The following SCARB2 variants were observed in gnomAD, a reference collection of about 807,000 sequenced individuals.
The protein encoded by SCARB2 is lysosome membrane protein 2.
Under a neutral mutation model 58.6 loss-of-function variants are expected in SCARB2, and 29 were observed. The ratio of observed to expected loss-of-function variants is 0.49; its 90% CI spans 0.37 to 0.67. The LOEUF is 0.67. Among genes scored for constraint, SCARB2 ranks in the 30% least tolerant of loss-of-function variants. The pLI is 0.00. For missense variants in SCARB2, 488 were observed against 578.5 expected (o/e 0.84, Z 1.60); for synonymous variants, 195 against 210.1 (o/e 0.93, Z 0.62).
chr4:76,203,351 C>T (rs1023848143), intron 1 of SCARB2, among the ~76,000 whole-genome samples: 15 of 152,198 alleles, frequency 9.9e-5, no homozygotes, highest in Non-Finnish European at 2.1e-4. Context: ...TTTTCATGAA[C>T]TCATCAGCCT....
In SCARB2 at chr4:76,166,306, A is replaced by G. The variant is rs775387526; in HGVS notation, c.1188-5T>C. The stretch of plus-strand genomic sequence containing the variant: ...GTTCTAATGTCTCCCGTTTCACTAC[A>G]AAGACAAAGGATGAGATTGTTTCAG... On this transcript the variant is annotated splice_polypyrimidine_tract_variant and splice_region_variant and intron_variant, in intron 9 of 11. Transcript: ENST00000264896. The G allele has an allele frequency of 1.2e-6, 2 of 1,614,062 alleles. No individual in the cohort carries two copies. The highest frequency in any genetic ancestry group is 1.7e-6 in the Non-Finnish European group (2 of 1,179,926).
intron 2 of SCARB2, among the ~76,000 whole-genome samples, chr4:76,188,704 T>C (rs17001601): frequency 0.027 from 4,155 of 152,212 alleles, 146 homozygotes; most frequent in African/African-American, 0.086. Flanking sequence ...GCCTAAACAA[T>C]AGCATCATAA....
upstream of SCARB2, among the ~76,000 whole-genome samples, chr4:76,218,264 C>A (rs1733248682): frequency 6.6e-6 from 1 of 152,162 alleles, no homozygotes; most frequent in South Asian, 2.1e-4. Flanking sequence ...ATATGTTATT[C>A]CTAAATGTTT....
intron 3 of SCARB2, chr4:76,179,939 TG>T (rs1458231923): frequency 3.6e-6 from 2 of 563,112 alleles, no homozygotes; most frequent in African/African-American, 3.8e-5. Flanking sequence ...AGAGACCATT[TG>T]CAGGCTCTGA....
chr4:76,163,194 T>TAA, intron 11 of SCARB2, 31 bp downstream of exon 11: 1 of 1,613,630 alleles, frequency 6.2e-7, no homozygotes, highest in Non-Finnish European at 8.5e-7. Context: ...AGTTATCCAG[T>TAA]AAGGAAGAAG....
At chr4:76,217,457 C>G, upstream of SCARB2, 3 of 405,244 alleles carry the variant, frequency 7.4e-6, no homozygotes, top group Non-Finnish European at 1.3e-5. Context: ...ATGCCTCCCT[C>G]AGGCATGAGT....
At position 76,213,353 on chromosome 4, in the gene SCARB2, A is replaced by T. The variant is rs145736175; in HGVS notation, c.117+74T>A. 8.8e-3 allele frequency: 8,939 copies of T among 1,020,798 alleles called. 56 individuals carry two copies. Among genetic ancestry groups the T allele is most frequent in the Non-Finnish European group, 0.01 (6,803 of 651,648 alleles). The allele number at this position is 1,020,798 out of a possible 1,614,324, so 63.2% of individuals were successfully genotyped here. On this transcript the variant is annotated intron_variant, in intron 1 of 11. Coordinates refer to ENST00000264896, the MANE Select transcript of SCARB2 (RefSeq NM_005506.4). ...CTGCCTGAGTGCTGGTCTTTCCCAT[A>T]CAAGATGTAGCAGCAGGGATGGGAG...
intron 2 of SCARB2, among the ~76,000 whole-genome samples, chr4:76,189,876 C>A (rs114698429): frequency 0.023 from 3,502 of 152,200 alleles, 121 homozygotes; most frequent in African/African-American, 0.08. Flanking sequence ...GATTAAATTA[C>A]CCCCCTGGGT....
intron 2 of SCARB2, among the ~76,000 whole-genome samples, chr4:76,190,775 C>T (rs917583828): frequency 2.0e-5 from 3 of 151,916 alleles, no homozygotes; most frequent in African/African-American, 7.3e-5. Flanking sequence ...CAGAATGAGA[C>T]TCTGTCTCAA....
chr4:76,197,868 T>C (rs1363411700), intron 1 of SCARB2, among the ~76,000 whole-genome samples: 4 of 151,650 alleles, frequency 2.6e-5, no homozygotes, highest in Admixed American at 6.6e-5. Context: ...ATTACTTCTG[T>C]AAGCAGAAAA....
chr4:76,218,953 C>T (rs1398214002), intron 1 of SCARB2, among the ~76,000 whole-genome samples: 1 of 152,104 alleles, frequency 6.6e-6, no homozygotes, highest in Non-Finnish European at 1.5e-5. Flanking sequence ...ATGATGTAGA[C>T]ATTCTATTTT....
upstream of SCARB2, among the ~76,000 whole-genome samples, chr4:76,217,266 T>C (rs777974630): frequency 1.3e-5 from 2 of 152,178 alleles, no homozygotes; most frequent in Non-Finnish European, 2.9e-5. Flanking sequence ...TCCCAGAGTT[T>C]AGATGAGGAG....
chr4:76,219,069 C>T (rs1479683949), intron 1 of SCARB2, among the ~76,000 whole-genome samples: 1 of 152,178 alleles, frequency 6.6e-6, no homozygotes, highest in Non-Finnish European at 1.5e-5. Context: ...GATGCTTTAG[C>T]CAGGCTCTTA....
rs1234577699 is a variant in SCARB2, at chr4:76,213,606, A to C, written c.-63T>G. 7.2e-7 allele frequency: 1 copy of C among 1,382,020 alleles called. No individual in the cohort carries two copies. Among genetic ancestry groups the C allele is most frequent in the African/African-American group, 1.4e-5 (1 of 70,018 alleles). The allele number at this position is 1,382,020 out of a possible 1,614,324, so 85.6% of individuals were successfully genotyped here. A position where few individuals can be genotyped will look rare whatever the true frequency, so the allele number is the denominator to read the frequency against. On this transcript the variant is annotated 5_prime_UTR_variant, in exon 1 of 12. Coordinates refer to ENST00000264896, the MANE Select transcript of SCARB2 (RefSeq NM_005506.4). ...GCCAGGGATCCAACTGCAAGGAGGG[A>C]GGAGCCGCCGCAGAGGCGTCGAAGA...
chr4:76,232,919 C>G (rs751032529), intron 1 of SCARB2, among the ~76,000 whole-genome samples: 1 of 152,046 alleles, frequency 6.6e-6, no homozygotes, highest in Non-Finnish European at 1.5e-5. Flanking sequence ...CTTTAATAAC[C>G]CTTTTGAATT....
intron 9 of SCARB2, 147 bp from the exon 10 acceptor site, chr4:76,166,448 C>T: frequency 1.3e-6 from 1 of 795,662 alleles, no homozygotes. Context: ...TCTTTGCAAA[C>T]ATGTACCCCA....
chr4:76,176,490 A>C lies in SCARB2; in HGVS notation c.651T>G (p.Thr217=), dbSNP rs1409604616. The part of the protein sequence containing the change: ...GTNDGDYVFL[T]GEDSYLNFTK... ...TAAAGTTAAGGTAACTGTCTTCTCC[A>C]GTTAGAAAAACATAGTCTCCATCAT... Residue 217 remains threonine, a synonymous_variant, in exon 5 of 12, where the codon ACT becomes ACG. Coordinates refer to ENST00000264896, the MANE Select transcript of SCARB2 (RefSeq NM_005506.4). The C allele has an allele frequency of 6.2e-7, 1 of 1,612,480 alleles. No homozygotes were observed. The highest frequency in any genetic ancestry group is 1.7e-5 in the Admixed American group (1 of 59,950).
intron 7 of SCARB2, among the ~76,000 whole-genome samples, chr4:76,171,948 T>C (rs944110812): frequency 6.7e-6 from 1 of 149,962 alleles, no homozygotes; most frequent in South Asian, 2.1e-4. Context: ...GGGACATACA[T>C]GCATGTGTGT....
chr4:76,203,399 A>G (rs910604255), intron 1 of SCARB2, among the ~76,000 whole-genome samples: 1 of 152,224 alleles, frequency 6.6e-6, no homozygotes, highest in Non-Finnish European at 1.5e-5. Context: ...GCAGTGTATG[A>G]GCAACCATTT....
Sources: gnomAD v4.1 joint callset for allele counts (sites outside exome capture counted in the v4.1 genomes callset) on GRCh38, gnomAD v4.1.1 for gene constraint, MANE v1.5 for transcripts, NCBI Gene and HGNC (gene_info 2026-07-23, HGNC 2026-07-21) for gene names.